Variants in GHR observed in about 807,000 individuals in gnomAD.
The protein encoded by GHR is GH receptor.
In GHR, 35 loss-of-function variants were observed where a neutral mutation model predicts 67.1. That is an observed-to-expected ratio of 0.52 (90% CI 0.40 to 0.69). The LOEUF (loss-of-function observed/expected upper bound fraction) is 0.69, where lower values mean the gene tolerates loss of function less well. Ranked by LOEUF, GHR falls within the 30% of genes least tolerant of loss-of-function variation. GHR has a pLI of 0.00. For missense variants in GHR, 792 were observed against 764.6 expected, an observed-to-expected ratio of 1.04 and a Z score of -0.42; for synonymous variants, 272 against 269.1, an observed-to-expected ratio of 1.01 and a Z score of -0.10.
intron 2 of GHR, among the ~76,000 whole-genome samples, chr5:42,576,812 A>G (rs903238284): frequency 4.6e-5 from 7 of 152,222 alleles, no homozygotes; most frequent in Admixed American, 1.3e-4. Flanking sequence ...TTCTAATAAA[A>G]TTAAATCTGA....
chr5:42,671,656 A>AC (rs1756307108), intron 3 of GHR, among the ~76,000 whole-genome samples: 1 of 151,110 alleles, frequency 6.6e-6, no homozygotes, highest in Non-Finnish European at 1.5e-5. Context: ...AAAAAAAAAA[A>AC]AACCTTAAGA....
chr5:42,590,073 G>C (rs1561148757), intron 2 of GHR, among the ~76,000 whole-genome samples: 1 of 152,256 alleles, frequency 6.6e-6, no homozygotes, highest in East Asian at 1.9e-4. Flanking sequence ...TTGTGTGCCT[G>C]GCATCATCCT....
intron 1 of GHR, among the ~76,000 whole-genome samples, chr5:42,477,540 AC>A (rs1561328551): frequency 6.6e-6 from 1 of 152,062 alleles, no homozygotes; most frequent in Non-Finnish European, 1.5e-5. Context: ...CCTCTCCAGC[AC>A]CTGTTGTTTC....
chr5:42,511,272 A>G lies in GHR; in HGVS notation c.-11-54592A>G, dbSNP rs770792243. On this transcript the variant is annotated intron_variant, in intron 1 of 9. Transcript: ENST00000230882. ...TTTCATAGTTTGAACCTCTCTAACCAGCTGATTTAAAAGAACAACACCACC... is the reference window on the plus strand; with the variant it reads ...TTTCATAGTTTGAACCTCTCTAACCGGCTGATTTAAAAGAACAACACCACC... Among the ~76,000 whole-genome samples the G allele has an allele frequency of 5.8e-4, 88 of 152,208 alleles. 1 individual carries two copies. Among genetic ancestry groups the G allele is most frequent in the Non-Finnish European group, 1.1e-3 (74 of 68,046 alleles).
At chr5:42,520,919 C>T (rs1222912156) in intron 1 of GHR, among the ~76,000 whole-genome samples, 1 of 152,188 alleles carries the variant, frequency 6.6e-6, no homozygotes, top group Non-Finnish European at 1.5e-5. Flanking sequence ...GTCTCCGTTG[C>T]TCTCTATCAC....
At chr5:42,647,156 A>C (rs1466487140) in intron 3 of GHR, among the ~76,000 whole-genome samples, 1 of 152,166 alleles carries the variant, frequency 6.6e-6, no homozygotes, top group Non-Finnish European at 1.5e-5. Flanking sequence ...ATGGTTGAGA[A>C]TTGTCTGAGT....
In GHR at chr5:42,688,791, C is replaced by T. The variant is rs563699241; in HGVS notation, c.137-99C>T. On this transcript the variant is annotated intron_variant, in intron 3 of 9. Transcript: ENST00000230882. ...TCCTAGACACGGAATACACTGGCTT[C>T]ATCCCAGTAGTTTCTTCACACACTT... is the stretch of plus-strand genomic sequence containing the variant. 52 of 1,097,546 alleles carry T rather than the reference C, an allele frequency of 4.7e-5. No homozygotes were observed. In the African/African-American group the frequency reaches 7.2e-4, roughly 15 times the overall value. The allele number at this position is 1,097,546 out of a possible 1,614,324, so 68.0% of individuals were successfully genotyped here. A position where few individuals can be genotyped will look rare whatever the true frequency, so the allele number is the denominator to read the frequency against.
rs952249090 is a variant in GHR, at chr5:42,467,672, C to G, written c.-12+43717C>G. 7 of 1,598,988 alleles carry G rather than the reference C, an allele frequency of 4.4e-6. No individual in the cohort carries two copies. The African/African-American group carries it at 8.1e-5, about 18-fold the overall frequency. On this transcript the variant is annotated intron_variant, in intron 1 of 9. Coordinates refer to ENST00000230882, the MANE Select transcript of GHR (RefSeq NM_000163.5). ...CCAGTGTGGATTCTCTGATGCACAT[C>G]GAGCTTTGCACTCTGAATGAAGGCC...
At chr5:42,432,489 GC>G (rs1182941532) in intron 1 of GHR, among the ~76,000 whole-genome samples, 6 of 152,254 alleles carry the variant, frequency 3.9e-5, no homozygotes, top group African/African-American at 1.2e-4. Context: ...TCACTATGTG[GC>G]ACATGATCCT....
chr5:42,564,296 A>C (rs939097233), intron 1 of GHR, among the ~76,000 whole-genome samples: 6 of 135,162 alleles, frequency 4.4e-5, no homozygotes, highest in African/African-American at 8.6e-5. Context: ...AAATCTCACA[A>C]AGTGTGAGAT....
At chr5:42,545,139 G>T (rs1344474177) in intron 1 of GHR, among the ~76,000 whole-genome samples, 4 of 152,042 alleles carry the variant, frequency 2.6e-5, no homozygotes, top group Non-Finnish European at 2.9e-5. Flanking sequence ...CTAGCAACTT[G>T]CCCAAACTGA....
rs1265966218 is a variant in GHR, at chr5:42,636,668, T to C, written c.136+7565T>C. ...AGTGGGGAACAGTTTTTTTAAATAA[T>C]GTACATTTATGCACTGGGAAAATAT... On this transcript the variant is annotated intron_variant, in intron 3 of 9. Coordinates refer to ENST00000230882, the MANE Select transcript of GHR (RefSeq NM_000163.5). Among the ~76,000 whole-genome samples the C allele has an allele frequency of 2.6e-5, 4 of 152,238 alleles. No individual in the cohort carries two copies. In the East Asian group the frequency reaches 5.8e-4, roughly 22 times the overall value.
chr5:42,578,544 A>C (rs1187468268), intron 2 of GHR, among the ~76,000 whole-genome samples: 1 of 152,206 alleles, frequency 6.6e-6, no homozygotes, highest in Non-Finnish European at 1.5e-5. Flanking sequence ...ATGTACAAAA[A>C]GTTATGGGAA....
chr5:42,586,745 C>A (rs562597925), intron 2 of GHR, among the ~76,000 whole-genome samples: 1 of 152,308 alleles, frequency 6.6e-6, no homozygotes, highest in Admixed American at 6.5e-5. Flanking sequence ...CAAGGCCCCA[C>A]TGACCTCAAA....
rs187810994 is a variant in GHR, at chr5:42,497,705, A to G, written c.-11-68159A>G. Among the ~76,000 whole-genome samples the G allele has an allele frequency of 2.6e-4, 39 of 152,346 alleles. 1 individual carries two copies. Among genetic ancestry groups the G allele is most frequent in the Admixed American group, 2.5e-3 (39 of 15,304 alleles). On this transcript the variant is annotated intron_variant, in intron 1 of 9. Coordinates refer to ENST00000230882, the MANE Select transcript of GHR (RefSeq NM_000163.5). ...GACTCTTTACAGAAAAAGTTTGCTG[A>G]TCTCTACTTTGAAGAAGAGAAAGTC...
At chr5:42,562,412 CCT>C (rs1296291673) in intron 1 of GHR, among the ~76,000 whole-genome samples, 1 of 152,152 alleles carries the variant, frequency 6.6e-6, no homozygotes, top group African/African-American at 2.4e-5. Context: ...TTATCCTCCT[CCT>C]GGCCCCTGCA....
At chr5:42,702,530 G>C (rs1337348389) in intron 6 of GHR, among the ~76,000 whole-genome samples, 1 of 152,022 alleles carries the variant, frequency 6.6e-6, no homozygotes, top group African/African-American at 2.4e-5. Flanking sequence ...TCAACATACT[G>C]ATTTCATTTT....
At chr5:42,449,293 T>C (rs1290535398) in intron 1 of GHR, among the ~76,000 whole-genome samples, 6 of 152,240 alleles carry the variant, frequency 3.9e-5, no homozygotes, top group Non-Finnish European at 7.3e-5. Flanking sequence ...TTTGTTTGTG[T>C]CATCTATTAT....
chr5:42,523,237 C>T (rs916048394), intron 1 of GHR, among the ~76,000 whole-genome samples: 1 of 152,124 alleles, frequency 6.6e-6, no homozygotes, highest in Non-Finnish European at 1.5e-5. Flanking sequence ...AAGGATGTTG[C>T]TGATAGTAGT....
Sources: gnomAD v4.1 joint callset for allele counts (sites outside exome capture counted in the v4.1 genomes callset) on GRCh38, gnomAD v4.1.1 for gene constraint, MANE v1.5 for transcripts, NCBI Gene and HGNC (gene_info 2026-07-23, HGNC 2026-07-21) for gene names.